TXNRD1: variants seen among roughly 807,000 people sequenced by gnomAD.
The protein encoded by TXNRD1 is thioredoxin reductase 1, cytoplasmic.
A neutral mutation model predicts 80.3 loss-of-function variants in TXNRD1; 57 were observed. The ratio of observed to expected loss-of-function variants is 0.71; its 90% CI spans 0.57 to 0.89. The LOEUF (loss-of-function observed/expected upper bound fraction) is 0.89. TXNRD1 is among the 40% of genes least tolerant of loss of function. TXNRD1 has a pLI of 0.00. For synonymous variants in TXNRD1, 291 were observed against 285.2 expected (o/e 1.02, Z -0.20); for missense variants, 730 against 803.0 (o/e 0.91, Z 1.10).
At position 104,288,981 on chromosome 12, in the gene TXNRD1, G is replaced by A; in HGVS notation, c.355G>A (p.Asp119Asn). ...GCTCTCGGAATTGGCCGCGGAAACC[G>A]ATCTGCCCGTTGTGTTTGTGAAACA... ...GTLSELAAET[D>N]LPVVFVKQRK... The change falls in exon 4 of 17, where the codon GAT becomes AAT. Residue 119 changes from aspartate (D) to asparagine (N), a missense_variant. Coordinates refer to ENST00000525566, the MANE Select transcript of TXNRD1 (RefSeq NM_001093771.3). 1 of 1,614,004 alleles carries A rather than the reference G, an allele frequency of 6.2e-7. No homozygotes were observed.
intron 4 of TXNRD1, among the ~76,000 whole-genome samples, chr12:104,296,162 G>T (rs888783534): frequency 2.6e-5 from 4 of 152,180 alleles, no homozygotes; most frequent in Non-Finnish European, 4.4e-5. Context: ...CTGGCACTTG[G>T]CCTTATGTTA....
chr12:104,318,850 G>A (rs1216854225), intron 7 of TXNRD1, 63 bp from the exon 8 acceptor site: 1 of 1,561,504 alleles, frequency 6.4e-7, no homozygotes, highest in African/African-American at 1.4e-5. Context: ...AGTGGTTATT[G>A]AGAAATGATC....
At chr12:104,274,636 T>G (rs1453015319) in intron 3 of TXNRD1, among the ~76,000 whole-genome samples, 1 of 151,508 alleles carries the variant, frequency 6.6e-6, no homozygotes, top group African/African-American at 2.4e-5. Context: ...GAGGCAGAGG[T>G]TGCAGTGAGC....
Position 104,327,681 on chromosome 12 carries a change from G to T in TXNRD1, c.1542+10G>T. The T allele has an allele frequency of 6.2e-7, 1 of 1,612,938 alleles. No homozygotes were observed. On this transcript the variant is annotated intron_variant, in intron 13 of 16. Coordinates refer to ENST00000525566, the MANE Select transcript of TXNRD1 (RefSeq NM_001093771.3). ...AGGTTCCACTGTCAAGGTGAGTGTT[G>T]TGCTTGTTGCCCATTAGATACTGTT... is the stretch of plus-strand genomic sequence containing the variant.
chr12:104,258,204 C>G, intron 3 of TXNRD1, 125 bp downstream of exon 3: 3 of 713,370 alleles, frequency 4.2e-6, no homozygotes. Flanking sequence ...CTAGCTGATT[C>G]TTCTTTTTGG....
intron 1 of TXNRD1, among the ~76,000 whole-genome samples, chr12:104,241,008 T>C (rs2032848725): frequency 6.6e-6 from 1 of 151,412 alleles, no homozygotes; most frequent in Non-Finnish European, 1.5e-5. Context: ...CTCAAAGTGT[T>C]GGGATTACAG....
At chr12:104,228,564 G>A (rs2135680690) in intron 1 of TXNRD1, among the ~76,000 whole-genome samples, 1 of 152,268 alleles carries the variant, frequency 6.6e-6, no homozygotes, top group South Asian at 2.1e-4. Context: ...CCAGGAGGCA[G>A]AGATTGTGGT....
chr12:104,336,151 A>G (rs1448428986), intron 15 of TXNRD1, among the ~76,000 whole-genome samples: 4 of 152,224 alleles, frequency 2.6e-5, no homozygotes, highest in African/African-American at 7.2e-5. Flanking sequence ...AGAGACTTCA[A>G]TTGCTCATAG....
At chr12:104,292,315 A>C (rs1414355365) in intron 4 of TXNRD1, among the ~76,000 whole-genome samples, 1 of 152,124 alleles carries the variant, frequency 6.6e-6, no homozygotes, top group African/African-American at 2.4e-5. Flanking sequence ...GTACTCGTTA[A>C]TTATGCATGC....
intron 4 of TXNRD1, among the ~76,000 whole-genome samples, chr12:104,310,536 A>G (rs2035097394): frequency 6.6e-6 from 1 of 152,224 alleles, no homozygotes; most frequent in Non-Finnish European, 1.5e-5. Context: ...TATTTTAGTA[A>G]GCGATAATAT....
intron 3 of TXNRD1, among the ~76,000 whole-genome samples, chr12:104,281,749 A>G (rs1241791452): frequency 6.6e-6 from 1 of 151,616 alleles, no homozygotes; most frequent in African/African-American, 2.4e-5. Flanking sequence ...CCTATTTTCC[A>G]CACAACTGAG....
chr12:104,338,222 T>C (rs775660087), intron 15 of TXNRD1, among the ~76,000 whole-genome samples: 2 of 151,916 alleles, frequency 1.3e-5, no homozygotes, highest in Non-Finnish European at 2.9e-5. Context: ...CAGAACATTT[T>C]GGTGATTAAA....
At chr12:104,315,536 G>A (rs748630221) in intron 6 of TXNRD1, among the ~76,000 whole-genome samples, 2 of 152,110 alleles carry the variant, frequency 1.3e-5, no homozygotes, top group African/African-American at 2.4e-5. Flanking sequence ...TGAAGTATAC[G>A]GAAATTGTGG....
chr12:104,234,405 C>T (rs2032688879), intron 1 of TXNRD1, among the ~76,000 whole-genome samples: 1 of 152,120 alleles, frequency 6.6e-6, no homozygotes, highest in South Asian at 2.1e-4. Context: ...AGTGATTCTT[C>T]TGCCTCAGCC....
At chr12:104,248,604 T>C (rs1055747139) in intron 1 of TXNRD1, among the ~76,000 whole-genome samples, 2 of 152,108 alleles carry the variant, frequency 1.3e-5, no homozygotes, top group African/African-American at 4.8e-5. Flanking sequence ...CAAATATGCA[T>C]GCTTAGGCCC....
At chr12:104,293,143 C>T (rs912073358) in intron 4 of TXNRD1, among the ~76,000 whole-genome samples, 3 of 152,120 alleles carry the variant, frequency 2.0e-5, no homozygotes, top group African/African-American at 7.2e-5. Context: ...TCAGCATCTC[C>T]CTCAGGATTC....
intron 1 of TXNRD1, among the ~76,000 whole-genome samples, chr12:104,219,345 T>C (rs1466186398): frequency 6.6e-6 from 1 of 152,220 alleles, no homozygotes; most frequent in Non-Finnish European, 1.5e-5. Flanking sequence ...ATTAAAATTA[T>C]GTGGTTAAGT....
intron 3 of TXNRD1, among the ~76,000 whole-genome samples, chr12:104,283,921 T>A (rs967744529): frequency 5.9e-5 from 9 of 152,124 alleles, no homozygotes; most frequent in African/African-American, 2.2e-4. Flanking sequence ...ATCCTGACTG[T>A]GGCCTGATAA....
At chr12:104,307,860 C>T (rs1176243495) in intron 4 of TXNRD1, among the ~76,000 whole-genome samples, 1 of 152,186 alleles carries the variant, frequency 6.6e-6, no homozygotes, top group Non-Finnish European at 1.5e-5. Context: ...AATGTGTAAG[C>T]CTTGCCAACA....
Sources: gnomAD v4.1 joint callset for allele counts (sites outside exome capture counted in the v4.1 genomes callset) on GRCh38, gnomAD v4.1.1 for gene constraint, MANE v1.5 for transcripts, NCBI Gene and HGNC (gene_info 2026-07-23, HGNC 2026-07-21) for gene names.